The following BEST3 variants were observed in gnomAD, a reference collection of about 807,000 sequenced individuals.
The protein encoded by BEST3 is bestrophin-3.
BEST3 carries 50 observed loss-of-function variants against 47.1 expected under a neutral mutation model. That is an observed-to-expected ratio of 1.06 (90% CI 0.85 to 1.34). The LOEUF (loss-of-function observed/expected upper bound fraction) is 1.34. Among genes scored for constraint, BEST3 ranks in the 40% most tolerant of loss-of-function variants. The pLI, the probability that BEST3 is intolerant of heterozygous loss-of-function variation, is 0.00. For synonymous variants in BEST3, 282 were observed against 298.8 expected, an observed-to-expected ratio of 0.94 and a Z score of 0.58; for missense variants, 765 against 817.0, an observed-to-expected ratio of 0.94 and a Z score of 0.78.
At chr12:69,665,422 G>A (rs1001857145) in intron 9 of BEST3, among the ~76,000 whole-genome samples, 4 of 152,046 alleles carry the variant, frequency 2.6e-5, no homozygotes, top group Non-Finnish European at 4.4e-5. Flanking sequence ...GTGAAACCCC[G>A]TCTCTACTAA....
chr12:69,681,977 A>T (rs1885280210), intron 4 of BEST3, among the ~76,000 whole-genome samples: 1 of 147,914 alleles, frequency 6.8e-6, no homozygotes, highest in South Asian at 2.2e-4. Flanking sequence ...GCTGCTTGGG[A>T]GGCTGAGGCA....
rs200949796 is a variant in BEST3 at position 69,678,859 on chromosome 12, G to A, written c.516C>T (p.Asn172=). 6.2e-7 allele frequency: 1 copy of A among 1,613,886 alleles called. No individual in the cohort carries two copies. The highest frequency in any genetic ancestry group is 1.1e-5 in the South Asian group (1 of 91,068). The change falls in exon 5 of 10, where the codon AAC becomes AAT. Residue 172 remains asparagine (N), a synonymous_variant. Transcript: ENST00000330891. ...ATTTCAGATGAGGAGACTTGAGGTG[G>A]TTGAATAATTTCCTTTCATCTGTTG... The part of the protein sequence containing the change: ...FMTTDERKLF[N]HLKSPHLKYW...
At chr12:69,672,799 G>A (rs1157518588) in intron 8 of BEST3, 86 bp downstream of exon 8, 1 of 939,114 alleles carries the variant, frequency 1.1e-6, no homozygotes, top group African/African-American at 1.6e-5. Context: ...GAAGCCAAGG[G>A]GTGTGCATTT....
intron 3 of BEST3, 63 bp downstream of exon 3, chr12:69,694,305 AGT>A (rs3050191): frequency 0.29 from 285,197 of 999,690 alleles, 42,636 homozygotes; most frequent in East Asian, 0.49. Flanking sequence ...TCCCATGCAG[AGT>A]CATCGGTGTC....
intron 4 of BEST3, chr12:69,684,456 G>T: frequency 1.9e-6 from 1 of 515,306 alleles, no homozygotes. Context: ...GATTCTGCCT[G>T]CTGTACAGTT....
intron 4 of BEST3, among the ~76,000 whole-genome samples, chr12:69,681,048 A>G (rs936409392): frequency 6.6e-6 from 1 of 152,076 alleles, no homozygotes; most frequent in African/African-American, 2.4e-5. Context: ...TAATGCTGTA[A>G]TGACTCTCCT....
chr12:69,651,996 C>T (rs1224504955), downstream of BEST3, among the ~76,000 whole-genome samples: 3 of 151,898 alleles, frequency 2.0e-5, no homozygotes, highest in Non-Finnish European at 2.9e-5. Flanking sequence ...GTGGTGGAGG[C>T]GATACACCAT....
chr12:69,670,574 ATC>A, intron 9 of BEST3: 2 of 702,600 alleles, frequency 2.8e-6, no homozygotes, highest in Non-Finnish European at 5.2e-6. Context: ...TTGAAGCGAG[ATC>A]TCCTGAAAGT....
rs199950482 is a variant in BEST3, at chr12:69,677,195, C to T, written c.699G>A (p.Pro233=). 74 of 1,613,670 alleles carry T rather than the reference C, an allele frequency of 4.6e-5. No homozygotes were observed. Among genetic ancestry groups the T allele is most frequent in the African/African-American group, 6.7e-5 (5 of 75,020 alleles). ...LLFGYDWVGI[P]LVYTQVVTLA... ...TATTTCTTACCTGGGTGTAAACCAG[C>T]GGAATCCCAACCCAGTCATAACCGA... Residue 233 remains proline, a synonymous_variant, in exon 6 of 10, where the codon CCG becomes CCA. Transcript: ENST00000330891.
At chr12:69,695,320 A>G (rs937353903) in intron 2 of BEST3, among the ~76,000 whole-genome samples, 1 of 152,198 alleles carries the variant, frequency 6.6e-6, no homozygotes, top group Non-Finnish European at 1.5e-5. Flanking sequence ...TATAACAAGC[A>G]TCAAAGGCTC....
intron 4 of BEST3, among the ~76,000 whole-genome samples, chr12:69,680,355 C>T: frequency 8.2e-6 from 1 of 122,314 alleles, no homozygotes; most frequent in Admixed American, 8.7e-5. Context: ...GTCACCCAGG[C>T]TGGAGTGCAG....
At chr12:69,671,407 A>G in intron 9 of BEST3, 21 bp downstream of exon 9, 1 of 1,591,134 alleles carries the variant, frequency 6.3e-7, no homozygotes, top group Non-Finnish European at 8.6e-7. Context: ...AATATTAGAG[A>G]TTTTTTAAAA....
rs767041587 is a variant in BEST3 at position 69,654,532 on chromosome 12, G to A, written c.*375C>T. On this transcript the variant is annotated 3_prime_UTR_variant, in exon 10 of 10. Transcript: ENST00000330891. ...AAAGAAGAGAAATAGAGAACCCTGC[G>A]TGTCTGGGCCTTTGGGTCTAGGGGA... is the stretch of plus-strand genomic sequence containing the variant. 6.7e-5 allele frequency: 67 copies of A among 998,988 alleles called. No homozygotes were observed. Among genetic ancestry groups the A allele is most frequent in the Non-Finnish European group, 5.4e-5 (45 of 839,282 alleles). 61.9% of individuals were successfully genotyped at this position (998,988 alleles called of 1,614,324 possible). A position where few individuals can be genotyped will look rare whatever the true frequency, so the allele number is the denominator to read the frequency against.
intron 9 of BEST3, among the ~76,000 whole-genome samples, chr12:69,663,683 T>A (rs1472688264): frequency 6.6e-6 from 1 of 151,842 alleles, no homozygotes; most frequent in Non-Finnish European, 1.5e-5. Context: ...AAGCCAGGCA[T>A]GGTGTCATGC....
At chr12:69,664,339 T>C (rs1029755473) in intron 9 of BEST3, among the ~76,000 whole-genome samples, 8 of 152,220 alleles carry the variant, frequency 5.3e-5, no homozygotes, top group African/African-American at 1.9e-4. Context: ...CATTGGTTCC[T>C]GCTTTCCTGG....
chr12:69,687,326 A>C (rs1885673631), intron 4 of BEST3: 1 of 152,160 alleles, frequency 6.6e-6, no homozygotes, highest in Non-Finnish European at 1.5e-5. Flanking sequence ...ACAGTCAAGA[A>C]TCTTTACATT....
At chr12:69,663,234 T>C (rs958134767) in intron 9 of BEST3, among the ~76,000 whole-genome samples, 2 of 152,254 alleles carry the variant, frequency 1.3e-5, no homozygotes, top group Admixed American at 1.3e-4. Flanking sequence ...ATTCTAACTC[T>C]ACCTCAAGCC....
At chr12:69,690,549 C>G (rs886807555) in intron 4 of BEST3, among the ~76,000 whole-genome samples, 1 of 152,154 alleles carries the variant, frequency 6.6e-6, no homozygotes, top group Non-Finnish European at 1.5e-5. Flanking sequence ...TCCTGGTGTG[C>G]TTTTAATATG....
Position 69,678,823 on chromosome 12 carries a change from T to A in BEST3, c.552A>T (p.Pro184=), listed in dbSNP as rs1351357526. 1 of 1,613,892 alleles carries A rather than the reference T, an allele frequency of 6.2e-7. No individual in the cohort carries two copies. Among genetic ancestry groups the A allele is most frequent in the Non-Finnish European group, 8.5e-7 (1 of 1,179,888 alleles). Residue 184 remains proline, a synonymous_variant, in exon 5 of 10, where the codon CCA becomes CCT. Transcript: ENST00000330891. ...LKSPHLKYWV[P]FIWFGNLATK... ...TTGCAAGATTTCCAAACCAGATGAA[T>A]GGAACCCAATATTTCAGATGAGGAG...
Sources: allele counts gnomAD v4.1 joint callset (sites outside exome capture counted in the v4.1 genomes callset), GRCh38; gene constraint gnomAD v4.1.1; transcripts MANE v1.5; gene names NCBI Gene and HGNC (gene_info 2026-07-23, HGNC 2026-07-21).